LINGO2: variants seen among roughly 807,000 people sequenced by gnomAD.
LINGO2 encodes the protein leucine rich repeat and Ig domain containing 2.
A neutral mutation model predicts 30.6 loss-of-function variants in LINGO2; 14 were observed. The ratio of observed to expected loss-of-function variants is 0.46; its 90% confidence interval spans 0.30 to 0.72. The LOEUF (loss-of-function observed/expected upper bound fraction) is 0.72. Ranked by LOEUF, LINGO2 falls within the 30% of genes least tolerant of loss-of-function variation. The pLI is 0.07. For synonymous variants in LINGO2, 317 were observed against 288.5 expected (o/e 1.10, Z -1.00); for missense variants, 729 against 751.7 (o/e 0.97, Z 0.35).
At chr9:27,964,666 T>C (rs1182308396) in intron 5 of LINGO2, among the ~76,000 whole-genome samples, 4 of 152,098 alleles carry the variant, frequency 2.6e-5, no homozygotes, top group Non-Finnish European at 5.9e-5. Flanking sequence ...GTTATTTAAT[T>C]GGAACTGTGC....
chr9:28,816,832 T>C, the LINGO2 span, among the ~76,000 whole-genome samples: 11,719 of 152,184 alleles, frequency 0.077, 1,252 homozygotes, highest in African/African-American at 0.24. Flanking sequence ...TAATAACTTA[T>C]TGTAAATCAG....
the LINGO2 span, among the ~76,000 whole-genome samples, chr9:28,874,064 T>G: frequency 6.6e-6 from 1 of 152,030 alleles, no homozygotes; most frequent in Non-Finnish European, 1.5e-5. Context: ...AATTAAAAAC[T>G]TATTAATTTG....
chr9:27,977,606 G>T (rs917366969), intron 5 of LINGO2, among the ~76,000 whole-genome samples: 9 of 151,848 alleles, frequency 5.9e-5, no homozygotes, highest in African/African-American at 2.2e-4. Flanking sequence ...AAATAAAAAA[G>T]GAGTGTGAGC....
chr9:28,452,313 A>G (rs1402066593), intron 2 of LINGO2, among the ~76,000 whole-genome samples: 1 of 151,812 alleles, frequency 6.6e-6, no homozygotes, highest in Non-Finnish European at 1.5e-5. Flanking sequence ...ATAATAGAAC[A>G]GCTTTCACGA....
the LINGO2 span, among the ~76,000 whole-genome samples, chr9:29,003,299 A>G: frequency 6.6e-6 from 1 of 152,002 alleles, no homozygotes; most frequent in African/African-American, 2.4e-5. Flanking sequence ...TTCACACAAT[A>G]TAAAAGTTTG....
chr9:28,543,731 T>A (rs1303570568), intron 1 of LINGO2, among the ~76,000 whole-genome samples: 2 of 152,114 alleles, frequency 1.3e-5, no homozygotes, highest in African/African-American at 4.8e-5. Flanking sequence ...TCATTTTAAA[T>A]AAAACATATT....
intron 1 of LINGO2, among the ~76,000 whole-genome samples, chr9:28,509,781 C>T (rs1282771957): frequency 6.6e-6 from 1 of 152,140 alleles, no homozygotes; most frequent in Non-Finnish European, 1.5e-5. Context: ...TCCAGAATTG[C>T]AAGGAAATAA....
chr9:28,198,228 C>A (rs1177052464), intron 4 of LINGO2, among the ~76,000 whole-genome samples: 3 of 147,172 alleles, frequency 2.0e-5, no homozygotes, highest in Admixed American at 6.9e-5. Flanking sequence ...AATGATGTGC[C>A]ATTTCTCTGT....
chr9:29,124,001 C>T, the LINGO2 span, among the ~76,000 whole-genome samples: 1 of 152,118 alleles, frequency 6.6e-6, no homozygotes, highest in Non-Finnish European at 1.5e-5. Flanking sequence ...TTCTACCTGA[C>T]TTCAAACTAT....
rs888124869 is a variant in LINGO2 at position 28,490,691 on chromosome 9, T to C, written c.-364-14666A>G. On this transcript the variant is annotated intron_variant, in intron 1 of 5. Coordinates refer to ENST00000379992, the Ensembl canonical transcript of LINGO2. Reference sequence around the variant, plus strand: ...GGCCAATATAAACCTATATCTTAAATATCAACATTTTAATGGTTTTTGCAA... The same window carrying C: ...GGCCAATATAAACCTATATCTTAAACATCAACATTTTAATGGTTTTTGCAA... Among the ~76,000 whole-genome samples the C allele has an allele frequency of 2.0e-5, 3 of 152,192 alleles. No individual in the cohort carries two copies. The South Asian group carries it at 6.2e-4, about 32-fold the overall frequency.
chr9:28,142,212 T>C (rs1439381466), intron 4 of LINGO2, among the ~76,000 whole-genome samples: 2 of 151,302 alleles, frequency 1.3e-5, no homozygotes, highest in Non-Finnish European at 2.9e-5. Context: ...TAGTAATATA[T>C]ATAGGTAAAG....
chr9:28,241,488 T>C (rs1821798008), intron 4 of LINGO2, among the ~76,000 whole-genome samples: 1 of 151,978 alleles, frequency 6.6e-6, no homozygotes, highest in African/African-American at 2.4e-5. Flanking sequence ...AAGGGCAGTG[T>C]GGTGCAGCCG....
In LINGO2 at chr9:28,023,293, G is replaced by A. The variant is rs1042740065; in HGVS notation, c.-86-10888C>T. On this transcript the variant is annotated intron_variant, in intron 4 of 5. Transcript: ENST00000379992. ...GGTAAATGTACCTTAACCCATAAAA[G>A]TTTAATGTTTATCTGGCTAGAAGTT... is the stretch of plus-strand genomic sequence containing the variant. Among the ~76,000 whole-genome samples, 6 of 152,282 alleles carry A rather than the reference G, an allele frequency of 3.9e-5. No homozygotes were observed. The East Asian group carries it at 1.2e-3, about 29-fold the overall frequency.
intron 4 of LINGO2, among the ~76,000 whole-genome samples, chr9:28,202,130 C>G (rs78971489): frequency 6.6e-6 from 1 of 152,208 alleles, no homozygotes; most frequent in Admixed American, 6.6e-5. Flanking sequence ...TATAAGAACA[C>G]CAGTCATATT....
chr9:28,431,029 TGAGAGAGAGAGAGA>T (rs57751993), intron 2 of LINGO2, among the ~76,000 whole-genome samples: 12 of 129,452 alleles, frequency 9.3e-5, no homozygotes, highest in South Asian at 2.6e-4. Flanking sequence ...GCATGAGTGA[TGAGAGAGAGAGAGA>T]GAGAGAGAGA....
chr9:28,794,363 T>C, the LINGO2 span, among the ~76,000 whole-genome samples: 1 of 152,128 alleles, frequency 6.6e-6, no homozygotes, highest in African/African-American at 2.4e-5. Flanking sequence ...ATTGGGAAAT[T>C]CTGAACTAGA....
the LINGO2 span, among the ~76,000 whole-genome samples, chr9:29,004,233 CT>C: frequency 6.6e-6 from 1 of 151,890 alleles, no homozygotes; most frequent in African/African-American, 2.4e-5. Context: ...TTCTCTCTCT[CT>C]TTTTATAATT....
At chr9:28,809,741 G>C in the LINGO2 span, among the ~76,000 whole-genome samples, 26 of 95,528 alleles carry the variant, frequency 2.7e-4, no homozygotes, top group African/African-American at 1.0e-3. Flanking sequence ...GCCAGACTCT[G>C]TCTCAAAAAA....
chr9:28,342,519 G>C (rs1025168986), intron 3 of LINGO2, among the ~76,000 whole-genome samples: 1 of 151,958 alleles, frequency 6.6e-6, no homozygotes, highest in African/African-American at 2.4e-5. Flanking sequence ...GTATCCTCGT[G>C]GCTGCTTTTC....
Sources: allele counts gnomAD v4.1 joint callset (sites outside exome capture counted in the v4.1 genomes callset), GRCh38; gene constraint gnomAD v4.1.1; transcripts MANE v1.5; gene names NCBI Gene and HGNC (gene_info 2026-07-23, HGNC 2026-07-21).